The following XKR5 variants were observed in gnomAD, a reference collection of about 807,000 sequenced individuals.
The protein encoded by XKR5 is XK related 5.
In XKR5, 46 loss-of-function variants were observed where a neutral mutation model predicts 40.8. That is an observed-to-expected ratio of 1.13 (90% CI 0.89 to 1.44). XKR5 has a LOEUF of 1.44. Among genes scored for constraint, XKR5 ranks in the 40% most tolerant of loss-of-function variants. The pLI is 0.00. For missense variants in XKR5, 1,169 were observed against 844.7 expected, an observed-to-expected ratio of 1.38 and a Z score of -4.76; for synonymous variants, 466 against 356.1, an observed-to-expected ratio of 1.31 and a Z score of -3.48.
At chr8:6,812,800 TA>T (rs1407958052) in intron 6 of XKR5, among the ~76,000 whole-genome samples, 1 of 152,156 alleles carries the variant, frequency 6.6e-6, no homozygotes, top group Non-Finnish European at 1.5e-5. Context: ...CATTAAGAAA[TA>T]ACCTCAAAAA....
intron 6 of XKR5, 60 bp downstream of exon 6, chr8:6,815,747 G>T: frequency 8.4e-7 from 1 of 1,192,634 alleles, no homozygotes; most frequent in African/African-American, 1.6e-5. Context: ...TGAGCCCATT[G>T]TAAAAAAAAA....
At chr8:6,813,474 A>G (rs993634090) in intron 6 of XKR5, among the ~76,000 whole-genome samples, 27 of 152,174 alleles carry the variant, frequency 1.8e-4, no homozygotes, top group Non-Finnish European at 1.3e-4. Flanking sequence ...TCTTGGTGGC[A>G]TCCCCAGGCT....
intron 5 of XKR5, 70 bp from the exon 6 acceptor site, chr8:6,815,988 G>C (rs538258630): frequency 8.4e-7 from 1 of 1,186,158 alleles, no homozygotes; most frequent in South Asian, 1.3e-5. Flanking sequence ...CGTCCCGTGA[G>C]TCTGCAGCGG....
chr8:6,817,567 C>G (rs544799410), intron 5 of XKR5, among the ~76,000 whole-genome samples: 2 of 152,054 alleles, frequency 1.3e-5, no homozygotes, highest in African/African-American at 4.8e-5. Context: ...CTCACCCCTA[C>G]GATGCTGACC....
intron 2 of XKR5, among the ~76,000 whole-genome samples, chr8:6,831,182 G>T (rs1376055112): frequency 6.6e-6 from 1 of 152,202 alleles, no homozygotes; most frequent in Non-Finnish European, 1.5e-5. Flanking sequence ...TGATTACTGG[G>T]CTGGGCCGAT....
Position 6,810,508 on chromosome 8 carries a change from A to AT in XKR5, c.*689dup, listed in dbSNP as rs2117071285. The stretch of plus-strand genomic sequence containing the variant: ...GCACATTTCACAGAAAAATACATTT[A>AT]TGCAGCTGGCCAGGAGGATGCTGAT... On this transcript the variant is annotated 3_prime_UTR_variant, in exon 7 of 7. Transcript: ENST00000618742. The AT allele has an allele frequency of 6.6e-6, 1 of 152,394 alleles. No homozygotes were observed. Among genetic ancestry groups the AT allele is most frequent in the South Asian group, 2.1e-4 (1 of 4,834 alleles). The allele number at this position is 152,394 out of a possible 1,614,324, so 9.4% of individuals were successfully genotyped here. A position where few individuals can be genotyped will look rare whatever the true frequency, so the allele number is the denominator to read the frequency against.
intron 2 of XKR5, 100 bp from the exon 3 acceptor site, chr8:6,825,449 C>T: frequency 8.1e-7 from 1 of 1,235,302 alleles, no homozygotes; most frequent in Non-Finnish European, 1.1e-6. Flanking sequence ...AAGCAATATC[C>T]TATGCCCTTA....
chr8:6,817,989 G>C (rs549728744), intron 5 of XKR5, among the ~76,000 whole-genome samples: 101 of 152,224 alleles, frequency 6.6e-4, no homozygotes, highest in African/African-American at 2.4e-3. Flanking sequence ...CCTGTCTCTG[G>C]CCAAGCCCCC....
Position 6,812,317 on chromosome 8 carries a change from A to T in XKR5, c.942T>A (p.Tyr314Ter), listed in dbSNP as rs901139652. The stretch of plus-strand genomic sequence containing the variant: ...TGGATTTTGGATGCAGCAGGCTGTA[A>T]TAAATTACCAGTGAGACACTGCCTG... ...FLIGSVSLVI[Y>*]YSLLHPKSTD... Residue 314 changes from tyrosine to a stop codon, truncating the protein, a stop_gained, in exon 7 of 7, where the codon TAT becomes TAA. Transcript: ENST00000618742. LOFTEE classifies it low-confidence loss of function (END_TRUNC). The T allele has an allele frequency of 4.5e-6, 7 of 1,550,298 alleles. No individual in the cohort carries two copies. Among genetic ancestry groups the T allele is most frequent in the African/African-American group, 2.7e-5 (2 of 72,980 alleles).
Position 6,815,886 on chromosome 8 carries a change from C to A in XKR5, c.840G>T (p.Leu280=). The change falls in exon 6 of 7, where the codon CTG becomes CTT. Residue 280 remains leucine, a synonymous_variant. Coordinates refer to ENST00000618742, the MANE Select transcript of XKR5 (RefSeq NM_207411.5). The part of the protein sequence containing the change: ...VMLLENIILL[L]LATDFLQGAS... Reference sequence around the variant, plus strand: ...CCCCCTGGAGAAAGTCGGTGGCCAACAGCAACAGGATGATGTTCTCCAACA... The same window carrying A: ...CCCCCTGGAGAAAGTCGGTGGCCAAAAGCAACAGGATGATGTTCTCCAACA... 1.9e-6 allele frequency: 3 copies of A among 1,603,890 alleles called. No homozygotes were observed. Among genetic ancestry groups the A allele is most frequent in the South Asian group, 1.1e-5 (1 of 88,834 alleles).
intron 5 of XKR5, among the ~76,000 whole-genome samples, chr8:6,819,167 A>G (rs551628068): frequency 2.6e-5 from 4 of 152,366 alleles, no homozygotes; most frequent in African/African-American, 9.6e-5. Flanking sequence ...GCCCTGGGCT[A>G]CGCTGCCCAA....
Position 6,811,540 on chromosome 8 carries a change from T to G in XKR5, c.1719A>C (p.Gly573=). The G allele has an allele frequency of 6.5e-7, 1 of 1,535,018 alleles. No homozygotes were observed. The highest frequency in any genetic ancestry group is 8.7e-7 in the Non-Finnish European group (1 of 1,145,628). The change falls in exon 7 of 7, where the codon GGA becomes GGC. Residue 573 remains glycine (G), a synonymous_variant. Transcript: ENST00000618742. The stretch of plus-strand genomic sequence containing the variant: ...ATGCAGGCTGGGCAGGGCTGCTCTT[T>G]CCCAGCCTCCTTCCAGAGTGGGCCG... ...LQTAHSGRRL[G]KSSPAQPASP... is the part of the protein sequence containing the mutation.
Position 6,811,268 on chromosome 8 carries a change from T to C in XKR5, c.1991A>G (p.Lys664Arg). The C allele has an allele frequency of 6.5e-7, 1 of 1,537,302 alleles. No individual in the cohort carries two copies. Among genetic ancestry groups the C allele is most frequent in the Non-Finnish European group, 8.7e-7 (1 of 1,146,918 alleles). ...GCAGTCCGTTTGGATAGACTCAGACTTAGGGGTGGACGTGAGGCAGGGCTC... is the reference window on the plus strand; with the variant it reads ...GCAGTCCGTTTGGATAGACTCAGACCTAGGGGTGGACGTGAGGCAGGGCTC... ...AHEPCLTSTPKSESIQTDCSC... is the reference protein window; with the variant it reads ...AHEPCLTSTPRSESIQTDCSC... The change falls in exon 7 of 7, where the codon AAG becomes AGG. Residue 664 changes from lysine (K) to arginine (R), a missense_variant. Coordinates refer to ENST00000618742, the MANE Select transcript of XKR5 (RefSeq NM_207411.5).
In XKR5 at chr8:6,832,905, G is replaced by C; in HGVS notation, c.59-5C>G. ...AGTAAGCCACGGTGTAAAGGCCTGGGTGAGAAGGGGAAAGGCAAGCAGGTT... is the reference window on the plus strand; with the variant it reads ...AGTAAGCCACGGTGTAAAGGCCTGGCTGAGAAGGGGAAAGGCAAGCAGGTT... On this transcript the variant is annotated splice_region_variant and splice_polypyrimidine_tract_variant and intron_variant, in intron 1 of 6. Coordinates refer to ENST00000618742, the MANE Select transcript of XKR5 (RefSeq NM_207411.5). The C allele has an allele frequency of 6.4e-7, 1 of 1,559,086 alleles. No individual in the cohort carries two copies. The highest frequency in any genetic ancestry group is 2.3e-5 in the East Asian group (1 of 42,964).
chr8:6,819,734 G>A (rs896729112), intron 5 of XKR5, among the ~76,000 whole-genome samples: 17 of 152,160 alleles, frequency 1.1e-4, no homozygotes, highest in African/African-American at 4.1e-4. Flanking sequence ...GAAATGTCAG[G>A]AGTTTAATAG....
rs957202490 is a variant in XKR5, at chr8:6,811,354, C to T, written c.1905G>A (p.Glu635=). 2.6e-6 allele frequency: 4 copies of T among 1,537,384 alleles called. No homozygotes were observed. In the Admixed American group the frequency reaches 7.8e-5, roughly 30 times the overall value. ...ELEEPLEPKR[E]LSHHAAVGVW... The stretch of plus-strand genomic sequence containing the variant: ...CACCAACAGCTGCATGGTGACTTAG[C>T]TCCCTTTTGGGCTCCAGCGGCTCCT... The change falls in exon 7 of 7, where the codon GAG becomes GAA. Residue 635 remains glutamate, a synonymous_variant. Transcript: ENST00000618742.
chr8:6,834,451 G>C (rs1587212677), intron 1 of XKR5, among the ~76,000 whole-genome samples: 1 of 152,344 alleles, frequency 6.6e-6, no homozygotes, highest in East Asian at 1.9e-4. Context: ...GGGGAATGCT[G>C]ACACCCAGTC....
At chr8:6,820,154 C>A (rs1309346381) in intron 5 of XKR5, among the ~76,000 whole-genome samples, 2 of 152,234 alleles carry the variant, frequency 1.3e-5, no homozygotes, top group East Asian at 3.8e-4. Context: ...GGTCGGGCAG[C>A]AAGGCCTAAA....
chr8:6,819,538 C>G (rs1804127596), intron 5 of XKR5, among the ~76,000 whole-genome samples: 1 of 152,214 alleles, frequency 6.6e-6, no homozygotes. Context: ...CTGCCTCACA[C>G]TCTGAATGGC....
Sources: allele counts gnomAD v4.1 joint callset (sites outside exome capture counted in the v4.1 genomes callset), GRCh38; gene constraint gnomAD v4.1.1; transcripts MANE v1.5; gene names NCBI Gene and HGNC (gene_info 2026-07-23, HGNC 2026-07-21).